BICRA: variants seen among roughly 807,000 people sequenced by gnomAD.
The protein encoded by BICRA is BRD4-interacting chromatin-remodeling complex-associated protein.
Under a neutral mutation model 96.9 loss-of-function variants are expected in BICRA, and 31 were observed. That is an observed-to-expected ratio of 0.32 (90% CI 0.24 to 0.43). The LOEUF (loss-of-function observed/expected upper bound fraction) is 0.43. Ranked by LOEUF, BICRA falls within the 20% of genes least tolerant of loss-of-function variation. BICRA has a pLI of 1.00. For missense variants in BICRA, 2,283 were observed against 2,190.3 expected, an observed-to-expected ratio of 1.04 and a Z score of -0.84; for synonymous variants, 1,350 against 1,071.8, an observed-to-expected ratio of 1.26 and a Z score of -5.07.
intron 1 of BICRA, among the ~76,000 whole-genome samples, chr19:47,658,995 C>T (rs1972664745): frequency 6.6e-6 from 1 of 152,196 alleles, no homozygotes; most frequent in African/African-American, 2.4e-5. Flanking sequence ...TACCCTCTCC[C>T]AGGGTTTTTC....
rs759319093 is a variant in BICRA at position 47,688,925 on chromosome 19, G to C, written c.2284-5190G>C. Among the ~76,000 whole-genome samples the C allele has an allele frequency of 3.4e-4, 52 of 151,818 alleles. 1 individual carries two copies. The highest frequency in any genetic ancestry group is 4.9e-4 in the Non-Finnish European group (33 of 67,934). ...CACGGCAACCTCTGTCTCTGGGATT[G>C]GAGCAATTCTTCTGCCTCAGCCTCC... On this transcript the variant is annotated intron_variant, in intron 7 of 14. Coordinates refer to ENST00000594866, the MANE Select transcript of BICRA (RefSeq NM_001394372.1).
chr19:47,685,782 TGTGTGCGC>T (rs1429397704), intron 7 of BICRA, among the ~76,000 whole-genome samples: 1,322 of 124,784 alleles, frequency 0.011, 24 homozygotes, highest in African/African-American at 0.041. Flanking sequence ...TGTGTGTGTG[TGTGTGCGC>T]GCGCGCGCGC....
intron 1 of BICRA, among the ~76,000 whole-genome samples, chr19:47,624,537 T>C (rs1481690939): frequency 6.6e-6 from 1 of 152,208 alleles, no homozygotes; most frequent in Non-Finnish European, 1.5e-5. Flanking sequence ...TGCTAAAATA[T>C]GCTGATACTG....
At chr19:47,651,805 G>A (rs1380343494) in intron 1 of BICRA, among the ~76,000 whole-genome samples, 1 of 152,236 alleles carries the variant, frequency 6.6e-6, no homozygotes, top group Non-Finnish European at 1.5e-5. Context: ...AAGACCTAGA[G>A]AAGGGTGGGC....
intron 1 of BICRA, among the ~76,000 whole-genome samples, chr19:47,609,472 T>C (rs62128733): frequency 1 from 144,103 of 144,116 alleles, 72,045 homozygotes; most frequent in Middle Eastern, 1. Flanking sequence ...CCCGATCCTA[T>C]GGGGACCCCC....
At chr19:47,623,401 A>C (rs918056916) in intron 1 of BICRA, among the ~76,000 whole-genome samples, 1 of 152,194 alleles carries the variant, frequency 6.6e-6, no homozygotes, top group Non-Finnish European at 1.5e-5. Context: ...CATGAGGGTC[A>C]GACCCCCAGG....
At chr19:47,633,080 C>CTTTTTTTTT (rs34761702) in intron 1 of BICRA, among the ~76,000 whole-genome samples, 2 of 93,222 alleles carry the variant, frequency 2.1e-5, no homozygotes, top group Non-Finnish European at 4.2e-5. Flanking sequence ...GATTTTATTT[C>CTTTTTTTTT]TTTTTTTTTT....
intron 1 of BICRA, among the ~76,000 whole-genome samples, chr19:47,634,743 C>T (rs1283976576): frequency 1.3e-5 from 2 of 151,216 alleles, no homozygotes; most frequent in Non-Finnish European, 2.9e-5. Context: ...TCTCTTCTCT[C>T]TCTTAAAATT....
chr19:47,680,095 G>C lies in BICRA; in HGVS notation c.925G>C (p.Gly309Arg). The change falls in exon 6 of 15, where the codon GGC becomes CGC. Residue 309 changes from glycine (G) to arginine (R), a missense_variant. Coordinates refer to ENST00000594866, the MANE Select transcript of BICRA (RefSeq NM_001394372.1). ...GCTCAATGGGAACTCTGTGTTCGGA[G>C]GCGCGGGGGCCGCCTCGGCTCCCAC... ...TTLNGNSVFG[G>R]AGAASAPTGT... The C allele has an allele frequency of 6.4e-7, 1 of 1,551,534 alleles. No homozygotes were observed. Among genetic ancestry groups the C allele is most frequent in the East Asian group, 2.4e-5 (1 of 41,740 alleles).
Position 47,681,396 on chromosome 19 carries a change from G to A in BICRA, c.2106+120G>A, listed in dbSNP as rs907754174. 2.6e-5 allele frequency: 23 copies of A among 894,548 alleles called. No homozygotes were observed. The Admixed American group carries it at 4.9e-4, about 19-fold the overall frequency. 55.4% of individuals were successfully genotyped at this position (894,548 alleles called of 1,614,324 possible). The stretch of plus-strand genomic sequence containing the variant: ...GCCACTGTGGCAGCTGGGGGGGGAA[G>A]GTCTCAGTCATGGCACAGGTGGCCC... On this transcript the variant is annotated intron_variant, in intron 6 of 14. Transcript: ENST00000594866.
intron 14 of BICRA, chr19:47,700,177 G>A (rs533238052): frequency 6.6e-6 from 1 of 152,554 alleles, no homozygotes; most frequent in African/African-American, 2.4e-5. Context: ...CCTTGGGCAA[G>A]TTACTTACCT....
At chr19:47,689,777 G>A (rs1973213824) in intron 7 of BICRA, among the ~76,000 whole-genome samples, 1 of 152,138 alleles carries the variant, frequency 6.6e-6, no homozygotes, top group Non-Finnish European at 1.5e-5. Flanking sequence ...TGCAAATATG[G>A]TTTACGTTTC....
intron 1 of BICRA, among the ~76,000 whole-genome samples, chr19:47,657,077 G>T (rs1972629742): frequency 6.6e-6 from 1 of 151,990 alleles, no homozygotes; most frequent in Admixed American, 6.6e-5. Context: ...TAGCCAGGAT[G>T]GTCTCGATCT....
intron 1 of BICRA, among the ~76,000 whole-genome samples, chr19:47,658,959 G>T (rs528647206): frequency 6.6e-6 from 1 of 152,002 alleles, no homozygotes; most frequent in South Asian, 2.1e-4. Flanking sequence ...TTGTATTTCC[G>T]CCACCCACCC....
intron 10 of BICRA, 120 bp from the exon 11 acceptor site, chr19:47,696,331 C>T: frequency 1.2e-6 from 1 of 864,588 alleles, no homozygotes; most frequent in Non-Finnish European, 1.8e-6. Context: ...GGGGCCAGGC[C>T]CCCACCTGGG....
chr19:47,639,722 A>G (rs867116025), intron 1 of BICRA, among the ~76,000 whole-genome samples: 5 of 144,324 alleles, frequency 3.5e-5, no homozygotes, highest in African/African-American at 1.3e-4. Context: ...ACTCATTGCA[A>G]CCTTGACCTC....
At chr19:47,673,263 AC>A (rs1037090602) in intron 2 of BICRA, among the ~76,000 whole-genome samples, 1 of 152,072 alleles carries the variant, frequency 6.6e-6, no homozygotes, top group Non-Finnish European at 1.5e-5. Context: ...CTCCTGGGAT[AC>A]CCTGAGGATT....
intron 1 of BICRA, chr19:47,626,471 C>T (rs1030909236): frequency 2.6e-5 from 4 of 152,214 alleles, no homozygotes; most frequent in East Asian, 1.9e-4. Context: ...TTGCTGCAGC[C>T]CCGACCTCTC....
intron 1 of BICRA, among the ~76,000 whole-genome samples, chr19:47,645,167 G>A (rs73045719): frequency 0.14 from 21,102 of 152,160 alleles, 1,639 homozygotes; most frequent in African/African-American, 0.2. Context: ...TTGGAATCAC[G>A]CCAGTTGCAT....
Sources: allele counts gnomAD v4.1 joint callset (sites outside exome capture counted in the v4.1 genomes callset), GRCh38; gene constraint gnomAD v4.1.1; transcripts MANE v1.5; gene names NCBI Gene and HGNC (gene_info 2026-07-23, HGNC 2026-07-21).